Variants in PDE1C observed in about 807,000 individuals in gnomAD.
The protein encoded by PDE1C is dual specificity calcium/calmodulin-dependent 3',5'-cyclic nucleotide phosphodiesterase 1C.
PDE1C carries 62 observed loss-of-function variants against 93.1 expected under a neutral mutation model. That is an observed-to-expected ratio of 0.67 (90% CI 0.54 to 0.82). The LOEUF (loss-of-function observed/expected upper bound fraction) is 0.82. Among genes scored for constraint, PDE1C ranks in the 40% least tolerant of loss-of-function variants. The probability of loss-of-function intolerance (pLI) is 0.00; values close to 1 mark genes in which losing one functional copy is unlikely to be tolerated. For missense variants in PDE1C, 742 were observed against 884.6 expected (o/e 0.84, Z 2.04); for synonymous variants, 325 against 310.1 (o/e 1.05, Z -0.50).
At chr7:32,301,315 A>G (rs141462055), upstream of PDE1C, among the ~76,000 whole-genome samples, 122 of 152,328 alleles carry the variant, frequency 8.0e-4, 1 homozygote, top group African/African-American at 2.8e-3. Context: ...TTATCAAAAA[A>G]AAGAAAAAAG....
chr7:31,936,619 T>C lies in PDE1C; in HGVS notation c.129-55759A>G, dbSNP rs114709154. On this transcript the variant is annotated intron_variant, in intron 2 of 17. Coordinates refer to ENST00000396191, the MANE Select transcript of PDE1C (RefSeq NM_001191057.4). ...ACATTTAGAACTTCAAGGATCCTATTAATTCTTATTTTGCATACAAGTGTA... is the reference window on the plus strand; with the variant it reads ...ACATTTAGAACTTCAAGGATCCTATCAATTCTTATTTTGCATACAAGTGTA... Among the ~76,000 whole-genome samples, 537 of 152,258 alleles carry C rather than the reference T, an allele frequency of 3.5e-3. 2 individuals are homozygous for C. Among genetic ancestry groups the C allele is most frequent in the African/African-American group, 0.013 (521 of 41,558 alleles).
At chr7:32,418,095 C>G (rs1219711187) in intron 1 of PDE1C, among the ~76,000 whole-genome samples, 1 of 152,162 alleles carries the variant, frequency 6.6e-6, no homozygotes, top group African/African-American at 2.4e-5. Context: ...CTCAAGTGAT[C>G]CTCCAGCCTC....
intron 2 of PDE1C, among the ~76,000 whole-genome samples, chr7:32,034,269 C>G (rs1192881623): frequency 6.6e-6 from 1 of 152,048 alleles, no homozygotes; most frequent in Non-Finnish European, 1.5e-5. Flanking sequence ...CCTCTTGTGG[C>G]CCAACAGATG....
At chr7:31,661,167 A>G in the PDE1C span, among the ~76,000 whole-genome samples, 1 of 152,164 alleles carries the variant, frequency 6.6e-6, no homozygotes, top group African/African-American at 2.4e-5. Context: ...CACATTCAGA[A>G]TCTTGTTGAT....
intron 2 of PDE1C, among the ~76,000 whole-genome samples, chr7:31,973,641 A>AT (rs1330954485): frequency 6.6e-6 from 1 of 152,218 alleles, no homozygotes; most frequent in Non-Finnish European, 1.5e-5. Flanking sequence ...AGTAGTTATT[A>AT]TTATTCTTAT....
At chr7:32,292,226 A>G (rs916342106) in intron 1 of PDE1C, among the ~76,000 whole-genome samples, 3 of 152,126 alleles carry the variant, frequency 2.0e-5, no homozygotes, top group Admixed American at 6.5e-5. Context: ...CTACATTGAA[A>G]TGAAGAATAT....
intron 2 of PDE1C, among the ~76,000 whole-genome samples, chr7:32,208,037 T>C (rs1030099080): frequency 2.6e-5 from 4 of 151,958 alleles, no homozygotes; most frequent in African/African-American, 9.7e-5. Context: ...ATGAAATATC[T>C]ATTTTGCAAA....
chr7:32,212,356 A>G (rs1192430279), intron 1 of PDE1C, among the ~76,000 whole-genome samples: 1 of 152,140 alleles, frequency 6.6e-6, no homozygotes, highest in African/African-American at 2.4e-5. Flanking sequence ...GATCCAAGTC[A>G]CGCCAGGAAA....
At chr7:31,866,047 C>A (rs531971908) in intron 6 of PDE1C, among the ~76,000 whole-genome samples, 2 of 151,924 alleles carry the variant, frequency 1.3e-5, no homozygotes, top group African/African-American at 4.8e-5. Flanking sequence ...TATGTAACAG[C>A]GAAGAACATT....
intron 3 of PDE1C, among the ~76,000 whole-genome samples, chr7:32,111,490 C>G (rs1798637727): frequency 6.6e-6 from 1 of 152,082 alleles, no homozygotes; most frequent in African/African-American, 2.4e-5. Context: ...AGGTGGCAGG[C>G]AAGGATAGCT....
rs143822285 is a variant in PDE1C, at chr7:31,770,504, TTTTTA to T, written c.1960+5155_1960+5159del. ...AAGATTTACCTCTATGTTTTCTTCT[TTTTTA>T]TTTTATTTTTTTTCTTTTCTGAGAC... On this transcript the variant is annotated intron_variant, in intron 17 of 17. Transcript: ENST00000396191. 9.9e-3 allele frequency among the ~76,000 whole-genome samples: 1,512 copies of T among 152,264 alleles called. 15 individuals are homozygous for T. The highest frequency in any genetic ancestry group is 0.033 in the African/African-American group (1,372 of 41,548).
intron 7 of PDE1C, among the ~76,000 whole-genome samples, chr7:31,862,784 A>G (rs565706096): frequency 6.6e-6 from 1 of 152,320 alleles, no homozygotes; most frequent in African/African-American, 2.4e-5. Context: ...GACCCAGCAT[A>G]TAAGTTCTCA....
intron 1 of PDE1C, among the ~76,000 whole-genome samples, chr7:32,297,993 CTCTCCT>C (rs1812706720): frequency 7.5e-5 from 3 of 39,820 alleles, no homozygotes; most frequent in African/African-American, 3.2e-4. Flanking sequence ...CTCTCTCTCT[CTCTCCT>C]CTCTCTCTCT....
chr7:31,942,828 A>G (rs1806036712), intron 2 of PDE1C, among the ~76,000 whole-genome samples: 1 of 152,210 alleles, frequency 6.6e-6, no homozygotes, highest in Non-Finnish European at 1.5e-5. Flanking sequence ...CGATTCACAT[A>G]TATGAAAACA....
At chr7:32,141,548 G>A (rs1480684488) in intron 3 of PDE1C, among the ~76,000 whole-genome samples, 1 of 152,106 alleles carries the variant, frequency 6.6e-6, no homozygotes, top group African/African-American at 2.4e-5. Context: ...AACTAATTGG[G>A]AGAAAAAATA....
chr7:31,751,592 A>G lies in PDE1C; in HGVS notation c.*1792T>C, dbSNP rs1794142441. 1 of 152,206 alleles carries G rather than the reference A, an allele frequency of 6.6e-6. No individual in the cohort carries two copies. The highest frequency in any genetic ancestry group is 1.5e-5 in the Non-Finnish European group (1 of 68,044). 9.4% of individuals were successfully genotyped at this position (152,206 alleles called of 1,614,324 possible). A position where few individuals can be genotyped will look rare whatever the true frequency, so the allele number is the denominator to read the frequency against. The stretch of plus-strand genomic sequence containing the variant: ...TAGGAATTACCTGTTGAGTTAACCT[A>G]ATCCAGGTGGAACAGACACTACCAG... On this transcript the variant is annotated 3_prime_UTR_variant, in exon 18 of 18. Coordinates refer to ENST00000396191, the MANE Select transcript of PDE1C (RefSeq NM_001191057.4).
At chr7:32,148,662 A>G (rs886565526) in intron 3 of PDE1C, among the ~76,000 whole-genome samples, 7 of 152,190 alleles carry the variant, frequency 4.6e-5, no homozygotes, top group African/African-American at 1.7e-4. Context: ...ATTCTGGACA[A>G]CGCCACTATA....
upstream of PDE1C, chr7:32,070,778 G>T: frequency 9.9e-7 from 1 of 1,011,218 alleles, no homozygotes; most frequent in Non-Finnish European, 1.2e-6. Context: ...CAGCTAAAGG[G>T]TTTGGAGGTG....
At chr7:31,834,047 A>G (rs1790761750) in intron 11 of PDE1C, among the ~76,000 whole-genome samples, 1 of 152,210 alleles carries the variant, frequency 6.6e-6, no homozygotes, top group South Asian at 2.1e-4. Flanking sequence ...GGGGCTAGGT[A>G]CAGCTCAGGC....
Sources: allele counts gnomAD v4.1 joint callset (sites outside exome capture counted in the v4.1 genomes callset), GRCh38; gene constraint gnomAD v4.1.1; transcripts MANE v1.5; gene names NCBI Gene and HGNC (gene_info 2026-07-23, HGNC 2026-07-21).